CYB5RL: variants seen among roughly 807,000 people sequenced by gnomAD.
CYB5RL encodes cytochrome b5 reductase like.
CYB5RL carries 38 observed loss-of-function variants against 37.5 expected under a neutral mutation model. The observed-to-expected ratio is 1.01, with a 90% CI of 0.78 to 1.33. CYB5RL has a LOEUF of 1.33. Ranked by LOEUF, CYB5RL falls within the 40% of genes most tolerant of loss-of-function variation. The pLI, the probability that CYB5RL is intolerant of heterozygous loss-of-function variation, is 0.00. For synonymous variants in CYB5RL, 141 were observed against 151.9 expected (o/e 0.93, Z 0.53); for missense variants, 388 against 394.4 (o/e 0.98, Z 0.14).
intron 3 of CYB5RL, among the ~76,000 whole-genome samples, chr1:54,192,960 G>A (rs1417042466): frequency 6.6e-6 from 1 of 152,116 alleles, no homozygotes; most frequent in Non-Finnish European, 1.5e-5. Flanking sequence ...TCACCATGTT[G>A]GCCAGGCTGG....
chr1:54,187,213 C>T (rs1014142846), intron 5 of CYB5RL, among the ~76,000 whole-genome samples: 2 of 152,194 alleles, frequency 1.3e-5, no homozygotes, highest in African/African-American at 4.8e-5. Context: ...ACCCTGCCTT[C>T]TCCACCAGCA....
chr1:54,180,535 C>T (rs1557719744), intron 6 of CYB5RL, among the ~76,000 whole-genome samples: 4 of 151,024 alleles, frequency 2.6e-5, no homozygotes, highest in Non-Finnish European at 4.4e-5. Context: ...TCCTGGGAGG[C>T]GGAGCTTGCA....
intron 5 of CYB5RL, chr1:54,185,075 C>T (rs1288444286): frequency 6.6e-6 from 1 of 152,246 alleles, no homozygotes; most frequent in African/African-American, 2.4e-5. Context: ...ATGGAAGTAA[C>T]TTAATAAATA....
chr1:54,178,768 G>T (rs963921793), intron 7 of CYB5RL, among the ~76,000 whole-genome samples: 1 of 152,226 alleles, frequency 6.6e-6, no homozygotes, highest in Non-Finnish European at 1.5e-5. Context: ...TCACTCAGTT[G>T]GAGGGAGGTC....
chr1:54,175,492 A>G (rs907731678), intron 7 of CYB5RL: 1 of 310,590 alleles, frequency 3.2e-6, no homozygotes, highest in Admixed American at 3.7e-5. Flanking sequence ...TTTCCTCCTC[A>G]GGGTCACAAA....
intron 6 of CYB5RL, among the ~76,000 whole-genome samples, chr1:54,180,520 C>T (rs918898587): frequency 1.3e-5 from 2 of 151,522 alleles, no homozygotes; most frequent in Non-Finnish European, 1.5e-5. Flanking sequence ...AGGAGAATGG[C>T]GTGATCCTGG....
intron 6 of CYB5RL, among the ~76,000 whole-genome samples, chr1:54,180,655 A>G (rs538554144): frequency 4.6e-5 from 7 of 152,144 alleles, no homozygotes; most frequent in African/African-American, 1.7e-4. Flanking sequence ...AGTGCCTTAA[A>G]GTTTAGTACC....
intron 4 of CYB5RL, chr1:54,190,489 T>C: frequency 1.7e-6 from 1 of 599,136 alleles, no homozygotes; most frequent in South Asian, 2.1e-5. Flanking sequence ...TTTGTGAGGG[T>C]TAAATGATTT....
chr1:54,175,644 T>C (rs1244695284), intron 7 of CYB5RL: 1 of 446,630 alleles, frequency 2.2e-6, no homozygotes, highest in African/African-American at 2.0e-5. Flanking sequence ...GGGTTCCACA[T>C]TTGTGGATTC....
chr1:54,186,520 C>T (rs1038273657), intron 5 of CYB5RL, among the ~76,000 whole-genome samples: 4 of 152,334 alleles, frequency 2.6e-5, no homozygotes, highest in Admixed American at 2.6e-4. Flanking sequence ...TTAAGCATCT[C>T]TCTAAAGAGA....
intron 1 of CYB5RL, among the ~76,000 whole-genome samples, chr1:54,199,380 T>C (rs962312207): frequency 6.6e-6 from 1 of 152,188 alleles, no homozygotes; most frequent in African/African-American, 2.4e-5. Flanking sequence ...GATGGTACGG[T>C]AGTGTGAAAT....
intron 4 of CYB5RL, among the ~76,000 whole-genome samples, chr1:54,188,049 C>G (rs1643918996): frequency 6.6e-6 from 1 of 152,184 alleles, no homozygotes; most frequent in Non-Finnish European, 1.5e-5. Flanking sequence ...GCACTCCAGC[C>G]TGGGCAAATA....
At chr1:54,187,473 A>C (rs1643911371) in intron 5 of CYB5RL, among the ~76,000 whole-genome samples, 179 bp downstream of exon 5, 1 of 152,186 alleles carries the variant, frequency 6.6e-6, no homozygotes, top group African/African-American at 2.4e-5. Flanking sequence ...CTCAGATTGC[A>C]TCCTGCTCCC....
chr1:54,194,004 C>CAATAATAATAAT lies in CYB5RL; in HGVS notation c.198+1403_198+1414dup, dbSNP rs71066906. ...AATAATAATAAGTGAGACTCTTCCT[C>CAATAATAATAAT]AATAATAATAATAATAATAATAATG... On this transcript the variant is annotated intron_variant, in intron 3 of 7. Coordinates refer to ENST00000534324, the MANE Select transcript of CYB5RL (RefSeq NM_001031672.4). Among the ~76,000 whole-genome samples, 32 of 146,716 alleles carry CAATAATAATAAT rather than the reference C, an allele frequency of 2.2e-4. 1 individual carries two copies. The highest frequency in any genetic ancestry group is 6.5e-4 in the South Asian group (3 of 4,602).
chr1:54,185,711 A>G (rs955081), intron 5 of CYB5RL: 9,273 of 152,172 alleles, frequency 0.061, 671 homozygotes, highest in East Asian at 0.26. Context: ...TCTGGCCCCT[A>G]TCTAGGGGGA....
In CYB5RL at chr1:54,171,948, A is replaced by G. The variant is rs1337204468; in HGVS notation, c.*2671T>C. On this transcript the variant is annotated 3_prime_UTR_variant, in exon 8 of 8. Coordinates refer to ENST00000534324, the MANE Select transcript of CYB5RL (RefSeq NM_001031672.4). ...CCAAGGGCACGGCTGGGTCCCCACC[A>G]ATGTCCCATGATAAGAGATGCCACC... 1 of 166,932 alleles carries G rather than the reference A, an allele frequency of 6.0e-6. No individual in the cohort carries two copies. The highest frequency in any genetic ancestry group is 1.3e-5 in the Non-Finnish European group (1 of 75,200). The allele number at this position is 166,932 out of a possible 1,614,324, so 10.3% of individuals were successfully genotyped here.
chr1:54,198,278 G>A (rs1196677919), intron 1 of CYB5RL, among the ~76,000 whole-genome samples: 1 of 151,538 alleles, frequency 6.6e-6, no homozygotes, highest in East Asian at 1.9e-4. Flanking sequence ...GACCAGGTAT[G>A]CATTATGAGT....
At chr1:54,188,570 T>C (rs971140774) in intron 4 of CYB5RL, among the ~76,000 whole-genome samples, 7 of 152,326 alleles carry the variant, frequency 4.6e-5, no homozygotes, top group Admixed American at 3.3e-4. Flanking sequence ...TGAGTCACAG[T>C]AATAGCCATG....
chr1:54,198,484 C>T (rs758532900), intron 1 of CYB5RL, among the ~76,000 whole-genome samples: 2 of 151,922 alleles, frequency 1.3e-5, no homozygotes, highest in Non-Finnish European at 2.9e-5. Context: ...AGGCGCCCGC[C>T]ACCACGCCCA....
Sources: gnomAD v4.1 joint callset for allele counts (sites outside exome capture counted in the v4.1 genomes callset) on GRCh38, gnomAD v4.1.1 for gene constraint, MANE v1.5 for transcripts, NCBI Gene and HGNC (gene_info 2026-07-23, HGNC 2026-07-21) for gene names.